Variants in TLN2 observed in about 807,000 individuals in gnomAD.
The protein encoded by TLN2 is talin-2.
TLN2 carries 118 observed loss-of-function variants against 294.7 expected under a neutral mutation model. The observed-to-expected ratio is 0.40, with a 90% confidence interval of 0.34 to 0.47. The LOEUF (loss-of-function observed/expected upper bound fraction) is 0.47, where lower values mean the gene tolerates loss of function less well. Ranked by LOEUF, TLN2 falls within the 20% of genes least tolerant of loss-of-function variation. The probability of loss-of-function intolerance (pLI) is 0.84; values close to 1 mark genes in which losing one functional copy is unlikely to be tolerated. For missense variants in TLN2, 3,083 were observed against 3,282.2 expected (o/e 0.94, Z 1.48); for synonymous variants, 1,431 against 1,304.5 (o/e 1.10, Z -2.09).
In TLN2 at chr15:62,625,686, G is replaced by A. The variant is rs184734071; in HGVS notation, c.-37+7211G>A. ...TGAGGGTGAAGCATGGGTTGATGCC[G>A]ATGGGCAGAGTGGAATTTTAAATGG... On this transcript the variant is annotated intron_variant, in intron 3 of 58. Coordinates refer to ENST00000636159, the MANE Select transcript of TLN2 (RefSeq NM_015059.3). 2.6e-5 allele frequency among the ~76,000 whole-genome samples: 4 copies of A among 152,312 alleles called. No individual in the cohort carries two copies. In the East Asian group the frequency reaches 5.8e-4, roughly 22 times the overall value.
At chr15:62,410,941 G>T (rs552255366) in intron 1 of TLN2, among the ~76,000 whole-genome samples, 2 of 152,284 alleles carry the variant, frequency 1.3e-5, no homozygotes, top group East Asian at 3.9e-4. Flanking sequence ...TATAGTTTGG[G>T]AGTCTTTTAA....
chr15:62,474,967 C>T (rs2037704155), intron 1 of TLN2, among the ~76,000 whole-genome samples: 1 of 151,940 alleles, frequency 6.6e-6, no homozygotes. Context: ...AACAAATGAC[C>T]TCACTGCCTG....
intron 1 of TLN2, among the ~76,000 whole-genome samples, chr15:62,581,079 T>G (rs1430584448): frequency 6.6e-6 from 1 of 152,048 alleles, no homozygotes. Flanking sequence ...AGATGGGGTT[T>G]CACCATGTTG....
chr15:62,577,447 A>G (rs2044522488), intron 1 of TLN2, among the ~76,000 whole-genome samples: 1 of 152,214 alleles, frequency 6.6e-6, no homozygotes, highest in African/African-American at 2.4e-5. Flanking sequence ...TCCATCTCAA[A>G]AACAAAACAA....
intron 37 of TLN2, 90 bp downstream of exon 37, chr15:62,755,783 TTGTC>T: frequency 6.7e-7 from 1 of 1,491,982 alleles, no homozygotes. Flanking sequence ...ACTCCTCTCC[TTGTC>T]TAGTGAAGCT....
At chr15:62,565,024 G>A (rs1342768682) in intron 1 of TLN2, among the ~76,000 whole-genome samples, 1 of 151,644 alleles carries the variant, frequency 6.6e-6, no homozygotes, top group Admixed American at 6.6e-5. Context: ...CCCCAGAGGA[G>A]GAGAGATGCA....
chr15:62,819,552 C>T lies in TLN2; in HGVS notation c.6808C>T (p.Leu2270=), dbSNP rs1172765788. The change falls in exon 53 of 59, where the codon CTG becomes TTG. Residue 2270 remains leucine (L), a synonymous_variant. Transcript: ENST00000636159. ...QKPTPEFKQQ[L]AAFSKRVAGA... is the part of the protein sequence containing the mutation. ...ACCAACCCCAGAATTCAAGCAGCAG[C>T]TGGCCGCTTTCTCCAAGCGAGTCGC... The T allele has an allele frequency of 2.5e-6, 4 of 1,613,998 alleles. No individual in the cohort carries two copies. In the South Asian group the frequency reaches 4.4e-5, roughly 18 times the overall value.
chr15:62,738,298 A>T lies in TLN2; in HGVS notation c.3652A>T (p.Ile1218Phe). ...GGATGTGGACGTGGCCTTGAAGAGC[A>T]TCGGGGAGTCCAGCAAGAAGCTGCT... ...QKDVDVALKS[I>F]GESSKKLLVD... The change falls in exon 30 of 59, where the codon ATC becomes TTC. Residue 1218 changes from isoleucine (I) to phenylalanine (F), a missense_variant. Physicochemically the swap from Ile to Phe is conservative, Grantham distance 21. Coordinates refer to ENST00000636159, the MANE Select transcript of TLN2 (RefSeq NM_015059.3). 6.2e-7 allele frequency: 1 copy of T among 1,614,146 alleles called. No homozygotes were observed. Among genetic ancestry groups the T allele is most frequent in the South Asian group, 1.1e-5 (1 of 91,054 alleles).
At chr15:62,778,493 A>G (rs185111473) in intron 43 of TLN2, among the ~76,000 whole-genome samples, 2 of 152,358 alleles carry the variant, frequency 1.3e-5, no homozygotes, top group Admixed American at 6.5e-5. Context: ...TTGGGAGAAG[A>G]TATTTTTCAG....
At chr15:62,696,170 A>T (rs560691187) in intron 14 of TLN2, among the ~76,000 whole-genome samples, 15 of 152,192 alleles carry the variant, frequency 9.9e-5, no homozygotes, top group African/African-American at 3.6e-4. Flanking sequence ...GTTGCTTGGG[A>T]TCCCCGCGTG....
intron 1 of TLN2, among the ~76,000 whole-genome samples, chr15:62,530,924 G>A (rs563812261): frequency 1.3e-5 from 2 of 152,164 alleles, no homozygotes; most frequent in Non-Finnish European, 2.9e-5. Flanking sequence ...TCCCTATTAG[G>A]TGGTGTTGGG....
intron 3 of TLN2, among the ~76,000 whole-genome samples, chr15:62,622,247 C>A (rs2048894820): frequency 6.6e-6 from 1 of 152,034 alleles, no homozygotes; most frequent in Non-Finnish European, 1.5e-5. Context: ...CCAGGTGATA[C>A]AATGAGATAA....
chr15:62,759,483 G>A (rs1001273324), intron 37 of TLN2, among the ~76,000 whole-genome samples: 1 of 152,216 alleles, frequency 6.6e-6, no homozygotes, highest in Non-Finnish European at 1.5e-5. Context: ...AGTGCTGTCT[G>A]TGACACCTAC....
intron 3 of TLN2, among the ~76,000 whole-genome samples, chr15:62,625,821 A>C (rs1384206738): frequency 6.6e-6 from 1 of 152,102 alleles, no homozygotes; most frequent in African/African-American, 2.4e-5. Flanking sequence ...GTTTCGCTGG[A>C]GAGGGCAGAG....
chr15:62,715,664 C>A (rs568384594), intron 22 of TLN2, among the ~76,000 whole-genome samples: 18 of 152,276 alleles, frequency 1.2e-4, no homozygotes, highest in African/African-American at 4.3e-4. Flanking sequence ...TGGCATATTG[C>A]CTTCCTCTTT....
At chr15:62,697,255 G>T (rs2058406952) in intron 14 of TLN2, among the ~76,000 whole-genome samples, 1 of 151,958 alleles carries the variant, frequency 6.6e-6, no homozygotes, top group African/African-American at 2.4e-5. Context: ...CTATAGGCAT[G>T]TACCACCACT....
chr15:62,554,237 T>G (rs1406724678), intron 1 of TLN2, among the ~76,000 whole-genome samples: 1 of 151,418 alleles, frequency 6.6e-6, no homozygotes, highest in Non-Finnish European at 1.5e-5. Flanking sequence ...AAAGAGGATA[T>G]TAAAGCTTGG....
intron 52 of TLN2, among the ~76,000 whole-genome samples, chr15:62,812,098 T>C (rs2066732547): frequency 6.6e-6 from 1 of 152,132 alleles, no homozygotes; most frequent in Non-Finnish European, 1.5e-5. Context: ...TGGTGGGTGG[T>C]ACTTGCTAAC....
At chr15:62,777,662 T>G (rs372378854) in intron 43 of TLN2, among the ~76,000 whole-genome samples, 29 of 152,178 alleles carry the variant, frequency 1.9e-4, no homozygotes, top group African/African-American at 7.0e-4. Flanking sequence ...TTTAACACAC[T>G]CTTTTTAATT....
Sources: gnomAD v4.1 joint callset for allele counts (sites outside exome capture counted in the v4.1 genomes callset) on GRCh38, gnomAD v4.1.1 for gene constraint, MANE v1.5 for transcripts, NCBI Gene and HGNC (gene_info 2026-07-23, HGNC 2026-07-21) for gene names.